The following ROBO1 variants were observed in gnomAD, a reference collection of about 807,000 sequenced individuals.
The protein encoded by ROBO1 is roundabout guidance receptor 1.
In ROBO1, 149 loss-of-function variants were observed where a neutral mutation model predicts 195.9. The observed-to-expected ratio is 0.76, with a 90% CI of 0.67 to 0.87. The LOEUF is 0.87. Ranked by LOEUF, ROBO1 falls within the 40% of genes least tolerant of loss-of-function variation. The pLI is 0.00. For synonymous variants in ROBO1, 816 were observed against 733.2 expected (o/e 1.11, Z -1.82); for missense variants, 1,933 against 2,068.3 (o/e 0.93, Z 1.27).
intron 2 of ROBO1, among the ~76,000 whole-genome samples, chr3:79,438,222 G>A (rs1438282267): frequency 1.3e-5 from 2 of 151,564 alleles, no homozygotes; most frequent in African/African-American, 4.8e-5. Context: ...ATTTTTATTT[G>A]TATAGTCTTA....
intron 3 of ROBO1, chr3:79,019,066 C>A (rs968474985): frequency 1.0e-5 from 10 of 989,120 alleles, no homozygotes; most frequent in Non-Finnish European, 1.2e-5. Flanking sequence ...GGCGGTGCGG[C>A]GACAGCGGCT....
intron 3 of ROBO1, among the ~76,000 whole-genome samples, chr3:79,069,237 G>A (rs181685530): frequency 9.9e-5 from 15 of 151,806 alleles, no homozygotes; most frequent in African/African-American, 3.1e-4. Flanking sequence ...TATGCAAATT[G>A]TATCTTGAAC....
chr3:79,159,587 G>T (rs2080919250), intron 2 of ROBO1, among the ~76,000 whole-genome samples: 1 of 151,932 alleles, frequency 6.6e-6, no homozygotes, highest in Non-Finnish European at 1.5e-5. Context: ...TTGGTACTGA[G>T]GGAGTACAGT....
chr3:78,826,011 A>T (rs529398249), intron 4 of ROBO1, among the ~76,000 whole-genome samples: 1 of 152,286 alleles, frequency 6.6e-6, no homozygotes, highest in East Asian at 1.9e-4. Flanking sequence ...AAAATCTCTG[A>T]ATCAGCATAC....
chr3:79,537,563 G>A (rs1941919939), intron 2 of ROBO1, among the ~76,000 whole-genome samples: 1 of 152,112 alleles, frequency 6.6e-6, no homozygotes, highest in Non-Finnish European at 1.5e-5. Context: ...CACCAGAAAT[G>A]CCCTCAGAGA....
At chr3:79,504,003 T>A (rs1174581306) in intron 2 of ROBO1, among the ~76,000 whole-genome samples, 1 of 152,162 alleles carries the variant, frequency 6.6e-6, no homozygotes, top group East Asian at 1.9e-4. Flanking sequence ...TCTGGACTCT[T>A]GAGTTTCAAT....
chr3:78,939,088 A>G (rs1399325083), intron 3 of ROBO1, among the ~76,000 whole-genome samples, 161 bp from the exon 4 acceptor site: 2 of 152,066 alleles, frequency 1.3e-5, no homozygotes, highest in African/African-American at 4.8e-5. Context: ...CGCCTTGACT[A>G]CACCTTCCAA....
At chr3:79,534,961 G>C (rs1187957259) in intron 2 of ROBO1, among the ~76,000 whole-genome samples, 2 of 152,050 alleles carry the variant, frequency 1.3e-5, no homozygotes, top group African/African-American at 4.8e-5. Flanking sequence ...TTTGATGTTT[G>C]CAAATCATGA....
rs527382906 is a variant in ROBO1, at chr3:79,158,066, G to T, written c.89-32527C>A. ...TATTTGTAATTTTAATTTCATAAAA[G>T]AAAAGAGTACATCTCTTTTACATTT... is the stretch of plus-strand genomic sequence containing the variant. On this transcript the variant is annotated intron_variant, in intron 2 of 30. Transcript: ENST00000464233. Among the ~76,000 whole-genome samples the T allele has an allele frequency of 1.4e-3, 219 of 151,804 alleles. 1 individual carries two copies. The highest frequency in any genetic ancestry group is 5.0e-3 in the African/African-American group (208 of 41,474).
At chr3:79,326,260 C>T (rs1349350878) in intron 2 of ROBO1, among the ~76,000 whole-genome samples, 1 of 152,124 alleles carries the variant, frequency 6.6e-6, no homozygotes, top group African/African-American at 2.4e-5. Context: ...TATTCTATTA[C>T]CTTGTGAAGC....
chr3:78,678,864 C>A (rs2080808962), intron 10 of ROBO1, among the ~76,000 whole-genome samples: 2 of 152,144 alleles, frequency 1.3e-5, no homozygotes, highest in African/African-American at 4.8e-5. Flanking sequence ...CGGGCAGAGA[C>A]ACAACCAAAA....
rs1321828804 is a variant in ROBO1 at position 78,598,384 on chromosome 3, T to C, written c.*529A>G. The C allele has an allele frequency of 6.6e-6, 1 of 152,628 alleles. No homozygotes were observed. The highest frequency in any genetic ancestry group is 1.9e-4 in the East Asian group (1 of 5,198). The allele number at this position is 152,628 out of a possible 1,614,324, so 9.5% of individuals were successfully genotyped here. A position where few individuals can be genotyped will look rare whatever the true frequency, so the allele number is the denominator to read the frequency against. On this transcript the variant is annotated 3_prime_UTR_variant, in exon 31 of 31. Coordinates refer to ENST00000464233, the MANE Select transcript of ROBO1 (RefSeq NM_002941.4). ...GGTTCTGCATTTGCTATATTTTTAG[T>C]TTCTTCCAGCAAAGGGTAGTATGAA...
intron 2 of ROBO1, among the ~76,000 whole-genome samples, chr3:79,448,960 T>C (rs2039357928): frequency 6.6e-6 from 1 of 152,186 alleles, no homozygotes; most frequent in African/African-American, 2.4e-5. Flanking sequence ...CCAGACATTG[T>C]GGCTCATGCC....
intron 2 of ROBO1, among the ~76,000 whole-genome samples, chr3:79,241,537 C>T (rs973708338): frequency 6.6e-6 from 1 of 151,918 alleles, no homozygotes; most frequent in Non-Finnish European, 1.5e-5. Flanking sequence ...AAAACATTGC[C>T]TGGCACATAA....
At chr3:79,225,118 T>C (rs775072436) in intron 2 of ROBO1, among the ~76,000 whole-genome samples, 10 of 152,140 alleles carry the variant, frequency 6.6e-5, no homozygotes, top group Non-Finnish European at 8.8e-5. Flanking sequence ...CCTTTTATGG[T>C]ATTTTTTTCA....
chr3:79,317,995 A>C (rs2033814810), intron 2 of ROBO1, among the ~76,000 whole-genome samples: 1 of 152,202 alleles, frequency 6.6e-6, no homozygotes. Context: ...CAAAATCTGC[A>C]GAGCCAATGT....
chr3:79,492,530 T>C (rs1939522022), intron 2 of ROBO1, among the ~76,000 whole-genome samples: 1 of 151,170 alleles, frequency 6.6e-6, no homozygotes, highest in African/African-American at 2.4e-5. Context: ...CTTAAAGATA[T>C]AATATATAAA....
intron 15 of ROBO1, 124 bp downstream of exon 15, chr3:78,661,869 C>T (rs1707424492): frequency 8.9e-7 from 1 of 1,126,138 alleles, no homozygotes; most frequent in Non-Finnish European, 1.2e-6. Context: ...CTGTAATAAA[C>T]AGTGCTTACA....
intron 10 of ROBO1, among the ~76,000 whole-genome samples, chr3:78,684,926 G>A (rs566476470): frequency 2.0e-5 from 3 of 151,980 alleles, no homozygotes; most frequent in African/African-American, 7.2e-5. Flanking sequence ...CTTTCTTTAA[G>A]TGCTCTTTCA....
Sources: allele counts gnomAD v4.1 joint callset (sites outside exome capture counted in the v4.1 genomes callset), GRCh38; gene constraint gnomAD v4.1.1; transcripts MANE v1.5; gene names NCBI Gene and HGNC (gene_info 2026-07-23, HGNC 2026-07-21).